The following SLC25A12 variants were observed in gnomAD, a reference collection of about 807,000 sequenced individuals.
SLC25A12 encodes solute carrier family 25 member 12.
In SLC25A12, 32 loss-of-function variants were observed where a neutral mutation model predicts 83.3. The observed-to-expected ratio is 0.38, with a 90% CI of 0.29 to 0.52. SLC25A12 has a LOEUF of 0.52. Among genes scored for constraint, SLC25A12 ranks in the 20% least tolerant of loss-of-function variants. The probability of loss-of-function intolerance (pLI) is 0.84; values close to 1 mark genes in which losing one functional copy is unlikely to be tolerated. For missense variants in SLC25A12, 611 were observed against 835.6 expected, an observed-to-expected ratio of 0.73 and a Z score of 3.31; for synonymous variants, 267 against 291.1, an observed-to-expected ratio of 0.92 and a Z score of 0.84.
At position 171,894,078 on chromosome 2, in the gene SLC25A12, G is replaced by A. The variant is rs1574014283; in HGVS notation, c.12+125C>T. On this transcript the variant is annotated intron_variant, in intron 1 of 17. Transcript: ENST00000422440. ...CGCACAGCTCTCCCCGCAGCAAGCC[G>A]GAGCCCCAGGACAAGCTATCTAAGA... 6 of 1,321,360 alleles carry A rather than the reference G, an allele frequency of 4.5e-6. No individual in the cohort carries two copies. In the East Asian group the frequency reaches 7.7e-5, roughly 17 times the overall value. 81.9% of individuals were successfully genotyped at this position (1,321,360 alleles called of 1,614,324 possible).
chr2:171,877,181 G>A (rs1177970471), intron 2 of SLC25A12, among the ~76,000 whole-genome samples: 2 of 152,112 alleles, frequency 1.3e-5, no homozygotes, highest in African/African-American at 4.8e-5. Context: ...AGATGGCAGG[G>A]TTTCACATAC....
At chr2:171,863,250 G>T (rs574100147) in intron 3 of SLC25A12, among the ~76,000 whole-genome samples, 71 of 152,280 alleles carry the variant, frequency 4.7e-4, no homozygotes, top group Admixed American at 6.5e-4. Flanking sequence ...AATGGGCCAG[G>T]TGCGGTGGCT....
At chr2:171,811,728 T>C (rs927690998) in intron 11 of SLC25A12, among the ~76,000 whole-genome samples, 2 of 152,176 alleles carry the variant, frequency 1.3e-5, no homozygotes, top group Non-Finnish European at 2.9e-5. Flanking sequence ...TCCCCTCCCC[T>C]ACTTGCTATA....
chr2:171,826,907 T>C (rs781195519), intron 8 of SLC25A12, 25 bp from the exon 9 acceptor site: 16 of 1,332,922 alleles, frequency 1.2e-5, no homozygotes, highest in Non-Finnish European at 1.6e-5. Flanking sequence ...TAGGAAAGAA[T>C]TGTTAGACAC....
intron 4 of SLC25A12, among the ~76,000 whole-genome samples, chr2:171,852,177 C>T (rs1684948648): frequency 1.3e-5 from 2 of 152,302 alleles, no homozygotes; most frequent in African/African-American, 2.4e-5. Flanking sequence ...TGAGTTTTCA[C>T]GTTCTGAAAT....
At chr2:171,823,604 T>C (rs1235080994) in intron 9 of SLC25A12, among the ~76,000 whole-genome samples, 1 of 152,210 alleles carries the variant, frequency 6.6e-6, no homozygotes, top group Non-Finnish European at 1.5e-5. Context: ...GACCTTAATT[T>C]TTATTTCTCT....
chr2:171,830,262 A>G (rs1684402516), intron 8 of SLC25A12, among the ~76,000 whole-genome samples: 1 of 152,238 alleles, frequency 6.6e-6, no homozygotes, highest in East Asian at 1.9e-4. Context: ...AGAAATGTAT[A>G]AGCCCTATAA....
intron 5 of SLC25A12, among the ~76,000 whole-genome samples, chr2:171,840,948 G>GT (rs1397936487): frequency 6.6e-6 from 1 of 152,222 alleles, no homozygotes; most frequent in Non-Finnish European, 1.5e-5. Context: ...GAATGGCACT[G>GT]TGGCAACACT....
chr2:171,854,609 A>G (rs1013875519), intron 4 of SLC25A12, among the ~76,000 whole-genome samples: 2 of 152,070 alleles, frequency 1.3e-5, no homozygotes, highest in African/African-American at 4.8e-5. Flanking sequence ...ATTTTTTTGG[A>G]AAGTCTTCTC....
intron 5 of SLC25A12, 33 bp from the exon 6 acceptor site, chr2:171,837,300 G>C (rs757705028): frequency 1.1e-5 from 18 of 1,611,418 alleles, no homozygotes; most frequent in Non-Finnish European, 1.5e-5. Flanking sequence ...GCATTAAGCT[G>C]GTTAAACACA....
chr2:171,851,950 T>A (rs1017413596), intron 4 of SLC25A12, among the ~76,000 whole-genome samples: 14 of 152,218 alleles, frequency 9.2e-5, no homozygotes, highest in African/African-American at 3.4e-4. Flanking sequence ...AGTACACTTG[T>A]GGACAATGGT....
At chr2:171,794,328 T>C (rs1157626467) in intron 13 of SLC25A12, among the ~76,000 whole-genome samples, 1 of 152,184 alleles carries the variant, frequency 6.6e-6, no homozygotes, top group African/African-American at 2.4e-5. Context: ...TTCTAAAATG[T>C]ATTATCCTAA....
intron 3 of SLC25A12, among the ~76,000 whole-genome samples, chr2:171,867,474 A>C (rs911260491): frequency 6.6e-6 from 1 of 152,210 alleles, no homozygotes; most frequent in Non-Finnish European, 1.5e-5. Context: ...CCACCAAAAA[A>C]ATACGAAAAC....
In SLC25A12 at chr2:171,844,473, G is replaced by A; in HGVS notation, c.361C>T (p.His121Tyr). 6.2e-7 allele frequency: 1 copy of A among 1,607,166 alleles called. No homozygotes were observed. Among genetic ancestry groups the A allele is most frequent in the Non-Finnish European group, 8.5e-7 (1 of 1,173,832 alleles). The change falls in exon 5 of 18, where the codon CAT (histidine) becomes TAT (tyrosine). Residue 121 changes from histidine to tyrosine, a missense_variant. His to Tyr is a moderately conservative substitution (Grantham distance 83). This residue lies in a region of SLC25A12 where 540 missense variants were observed against 777.5 expected (regional missense o/e 0.69). Transcript: ENST00000422440. ...VKEIFGQTII[H>Y]HHIPFNWDCE... Reference sequence around the variant, plus strand: ...TCCCAGTTAAAAGGGATATGATGATGAATAATAGTCTGTCCAAAAATTTCT... The same window carrying A: ...TCCCAGTTAAAAGGGATATGATGATAAATAATAGTCTGTCCAAAAATTTCT...
At chr2:171,840,661 G>T (rs1684653508) in intron 5 of SLC25A12, among the ~76,000 whole-genome samples, 3 of 151,990 alleles carry the variant, frequency 2.0e-5, no homozygotes, top group African/African-American at 7.2e-5. Flanking sequence ...AAGGAAAATA[G>T]GAGAGAAAAG....
intron 5 of SLC25A12, among the ~76,000 whole-genome samples, chr2:171,840,519 T>C (rs1684649697): frequency 6.6e-6 from 1 of 151,938 alleles, no homozygotes; most frequent in South Asian, 2.1e-4. Context: ...TCAATATCTT[T>C]GAAGAAGTGA....
intron 2 of SLC25A12, among the ~76,000 whole-genome samples, chr2:171,875,651 C>CACCTGTA (rs1685548250): frequency 6.6e-6 from 1 of 150,508 alleles, no homozygotes; most frequent in South Asian, 2.1e-4. Flanking sequence ...CGGTGGCTCA[C>CACCTGTA]ACCTGTAATC....
At chr2:171,816,059 T>C (rs1001677285) in intron 9 of SLC25A12, among the ~76,000 whole-genome samples, 3 of 150,614 alleles carry the variant, frequency 2.0e-5, no homozygotes, top group African/African-American at 7.3e-5. Context: ...TGCAAAAATA[T>C]TCCTTTTTTT....
chr2:171,893,020 G>T (rs904553826), intron 2 of SLC25A12, among the ~76,000 whole-genome samples, 185 bp downstream of exon 2: 5 of 151,030 alleles, frequency 3.3e-5, no homozygotes, highest in Non-Finnish European at 5.9e-5. Flanking sequence ...ACCTTTTATC[G>T]ACCCTTAATT....
Sources: allele counts gnomAD v4.1 joint callset (sites outside exome capture counted in the v4.1 genomes callset), GRCh38; gene constraint gnomAD v4.1.1; regional missense constraint gnomAD v4.1.1; transcripts MANE v1.5; gene names NCBI Gene and HGNC (gene_info 2026-07-23, HGNC 2026-07-21).